Variants in LRRTM4 observed in about 807,000 individuals in gnomAD.
LRRTM4 encodes the protein leucine rich repeat transmembrane neuronal 4, also known as leucine-rich repeat transmembrane neuronal protein 4.
In LRRTM4, 25 loss-of-function variants were observed where a neutral mutation model predicts 47.6. That is an observed-to-expected ratio of 0.53 (90% CI 0.38 to 0.73). The LOEUF (loss-of-function observed/expected upper bound fraction) is 0.73, where lower values mean the gene tolerates loss of function less well. Among genes scored for constraint, LRRTM4 ranks in the 30% least tolerant of loss-of-function variants. LRRTM4 has a pLI of 0.00. For synonymous variants in LRRTM4, 311 were observed against 269.5 expected (o/e 1.15, Z -1.51); for missense variants, 638 against 713.4 (o/e 0.89, Z 1.20).
At chr2:77,192,645 T>C (rs184871647) in intron 3 of LRRTM4, among the ~76,000 whole-genome samples, 1 of 152,256 alleles carries the variant, frequency 6.6e-6, no homozygotes, top group East Asian at 1.9e-4. Context: ...CCAAATTAAT[T>C]TAATTTTCTC....
At chr2:77,349,044 G>C (rs1671667964) in intron 3 of LRRTM4, among the ~76,000 whole-genome samples, 1 of 151,838 alleles carries the variant, frequency 6.6e-6, no homozygotes, top group African/African-American at 2.4e-5. Flanking sequence ...CAGGAGGTGG[G>C]CAGAGATGCT....
chr2:77,032,263 T>C (rs1485033693), intron 3 of LRRTM4, among the ~76,000 whole-genome samples: 1 of 152,132 alleles, frequency 6.6e-6, no homozygotes. Context: ...GGTAACTCTT[T>C]TACTTCAAAT....
intron 3 of LRRTM4, among the ~76,000 whole-genome samples, chr2:76,806,810 G>T (rs1024000170): frequency 3.3e-5 from 5 of 151,962 alleles, no homozygotes; most frequent in African/African-American, 1.2e-4. Context: ...ATGACATATA[G>T]CCGATTAGGA....
intron 3 of LRRTM4, among the ~76,000 whole-genome samples, chr2:77,462,445 G>C (rs17695091): frequency 0.37 from 55,704 of 151,728 alleles, 10,474 homozygotes; most frequent in East Asian, 0.51. Context: ...TAACAACAAA[G>C]ATTACTTGGA....
chr2:76,968,065 G>A (rs962218919), intron 3 of LRRTM4, among the ~76,000 whole-genome samples: 3 of 150,998 alleles, frequency 2.0e-5, no homozygotes, highest in African/African-American at 7.3e-5. Context: ...TAAGCAAAAT[G>A]AAGTAACTCA....
chr2:77,425,433 T>C (rs1558737589), intron 3 of LRRTM4, among the ~76,000 whole-genome samples: 1 of 152,206 alleles, frequency 6.6e-6, no homozygotes, highest in Admixed American at 6.5e-5. Flanking sequence ...TTAGCCTGGA[T>C]CTATATTTAC....
At chr2:77,339,270 T>A (rs1242923656) in intron 3 of LRRTM4, among the ~76,000 whole-genome samples, 1 of 152,006 alleles carries the variant, frequency 6.6e-6, no homozygotes, top group African/African-American at 2.4e-5. Flanking sequence ...ACTGTAATTG[T>A]TTTAACTGCA....
At chr2:77,335,833 T>C (rs1210317798) in intron 3 of LRRTM4, among the ~76,000 whole-genome samples, 1 of 152,154 alleles carries the variant, frequency 6.6e-6, no homozygotes, top group Admixed American at 6.6e-5. Flanking sequence ...ATAACAGTTT[T>C]GTAGGAATCA....
intron 3 of LRRTM4, among the ~76,000 whole-genome samples, chr2:77,350,158 TAA>T (rs573449261): frequency 6.9e-6 from 1 of 145,020 alleles, no homozygotes. Flanking sequence ...CCGTCTCTAC[TAA>T]AAAAAAATAC....
At chr2:77,211,136 A>G (rs11893082) in intron 3 of LRRTM4, among the ~76,000 whole-genome samples, 30,007 of 152,110 alleles carry the variant, frequency 0.2, 5,687 homozygotes, top group African/African-American at 0.49. Flanking sequence ...GCTAAACACT[A>G]GGAAAGGGGA....
At chr2:77,265,327 A>G (rs1000732215) in intron 3 of LRRTM4, among the ~76,000 whole-genome samples, 3 of 152,126 alleles carry the variant, frequency 2.0e-5, no homozygotes, top group African/African-American at 7.2e-5. Context: ...ATAGGTGGAA[A>G]CTTGAAGAGA....
At chr2:77,328,408 T>C (rs892793829) in intron 3 of LRRTM4, among the ~76,000 whole-genome samples, 4 of 152,166 alleles carry the variant, frequency 2.6e-5, no homozygotes, top group Admixed American at 2.0e-4. Flanking sequence ...GCTGTTCGGG[T>C]TGACATTTTT....
At chr2:77,313,199 G>C (rs1423459926) in intron 3 of LRRTM4, among the ~76,000 whole-genome samples, 1 of 150,878 alleles carries the variant, frequency 6.6e-6, no homozygotes, top group Non-Finnish European at 1.5e-5. Context: ...ACCTGTTGTG[G>C]TGATGTGCCT....
chr2:77,441,718 G>GT (rs1401989290), intron 3 of LRRTM4, among the ~76,000 whole-genome samples: 1 of 152,148 alleles, frequency 6.6e-6, no homozygotes, highest in Non-Finnish European at 1.5e-5. Context: ...ATAAAAGCAT[G>GT]TTTTTTTCTA....
chr2:77,426,456 A>G (rs1183892536), intron 3 of LRRTM4, among the ~76,000 whole-genome samples: 1 of 152,114 alleles, frequency 6.6e-6, no homozygotes, highest in Admixed American at 6.6e-5. Context: ...TTAGAGTAGC[A>G]CAAATTTGCC....
At chr2:77,137,683 T>C (rs1016281774) in intron 3 of LRRTM4, among the ~76,000 whole-genome samples, 124 of 152,032 alleles carry the variant, frequency 8.2e-4, no homozygotes, top group African/African-American at 2.7e-3. Context: ...GACTGGCAAA[T>C]TGGAAAAAGA....
intron 3 of LRRTM4, among the ~76,000 whole-genome samples, chr2:76,911,494 G>A (rs1285192725): frequency 6.6e-6 from 1 of 152,160 alleles, no homozygotes; most frequent in Non-Finnish European, 1.5e-5. Context: ...TTTAAATCCA[G>A]TATATCAGAA....
rs555043866 is a variant in LRRTM4, at chr2:77,282,677, G to A, written c.1551+235641C>T. ...ACCAATGGAACAGAATAGAAAACCC[G>A]GAAAATAAGTTGAACACCTACAACC... On this transcript the variant is annotated intron_variant, in intron 3 of 3. Coordinates refer to ENST00000409884, the MANE Select transcript of LRRTM4 (RefSeq NM_001134745.3). Among the ~76,000 whole-genome samples, 375 of 151,564 alleles carry A rather than the reference G, an allele frequency of 2.5e-3. 2 individuals carry two copies. The highest frequency in any genetic ancestry group is 8.1e-3 in the African/African-American group (335 of 41,456).
At chr2:76,842,369 C>A (rs944783371) in intron 3 of LRRTM4, among the ~76,000 whole-genome samples, 8 of 152,112 alleles carry the variant, frequency 5.3e-5, no homozygotes, top group African/African-American at 1.7e-4. Context: ...TCATGTAAGT[C>A]AATAGCTTAT....
Sources: allele counts gnomAD v4.1 joint callset (sites outside exome capture counted in the v4.1 genomes callset), GRCh38; gene constraint gnomAD v4.1.1; transcripts MANE v1.5; gene names NCBI Gene and HGNC (gene_info 2026-07-23, HGNC 2026-07-21).